The following ARHGAP18 variants were observed in gnomAD, a reference collection of about 807,000 sequenced individuals.
ARHGAP18 encodes rho GTPase-activating protein 18.
ARHGAP18 carries 67 observed loss-of-function variants against 86.2 expected under a neutral mutation model. The observed-to-expected ratio is 0.78, with a 90% CI of 0.64 to 0.95. The LOEUF (loss-of-function observed/expected upper bound fraction) is 0.95, where lower values mean the gene tolerates loss of function less well. ARHGAP18 is among the 40% of genes least tolerant of loss of function. The pLI is 0.00. For missense variants in ARHGAP18, 691 were observed against 780.4 expected, an observed-to-expected ratio of 0.89 and a Z score of 1.37; for synonymous variants, 283 against 280.4, an observed-to-expected ratio of 1.01 and a Z score of -0.09.
chr6:129,583,821 T>C (rs1479860703), intron 13 of ARHGAP18, among the ~76,000 whole-genome samples, 167 bp downstream of exon 13: 1 of 151,608 alleles, frequency 6.6e-6, no homozygotes, highest in Non-Finnish European at 1.5e-5. Flanking sequence ...GTCTAATGGT[T>C]AAGTCTGCTG....
intron 1 of ARHGAP18, among the ~76,000 whole-genome samples, chr6:129,671,620 T>C (rs1391889304): frequency 1.3e-5 from 2 of 152,136 alleles, no homozygotes; most frequent in Admixed American, 6.5e-5. Context: ...GGTGGGAGGA[T>C]TGCTTGAGCC....
At chr6:129,699,492 A>C (rs988504934) in intron 1 of ARHGAP18, among the ~76,000 whole-genome samples, 9 of 152,248 alleles carry the variant, frequency 5.9e-5, no homozygotes, top group African/African-American at 1.9e-4. Context: ...TTGGGTTGGA[A>C]AAGTTTATTT....
At chr6:129,631,210 C>T (rs1185647640) in intron 4 of ARHGAP18, among the ~76,000 whole-genome samples, 1 of 152,148 alleles carries the variant, frequency 6.6e-6, no homozygotes, top group Non-Finnish European at 1.5e-5. Flanking sequence ...ACCTTTCTAG[C>T]AGCTGAGTAG....
At chr6:129,673,737 C>G (rs929769215) in intron 1 of ARHGAP18, among the ~76,000 whole-genome samples, 6 of 152,160 alleles carry the variant, frequency 3.9e-5, no homozygotes, top group Non-Finnish European at 8.8e-5. Flanking sequence ...GAAAAGACCA[C>G]AGTCAAAAAT....
chr6:129,666,179 G>A lies in ARHGAP18; in HGVS notation c.114-24161C>T, dbSNP rs1482235537. 2.6e-5 allele frequency among the ~76,000 whole-genome samples: 4 copies of A among 152,128 alleles called. No individual in the cohort carries two copies. In the East Asian group the frequency reaches 7.7e-4, roughly 29 times the overall value. The stretch of plus-strand genomic sequence containing the variant: ...CCAGGAGCACCAGGGAGCAGCAGAT[G>A]ATGATGCTCACACCAGCAATGCCTG... On this transcript the variant is annotated intron_variant, in intron 1 of 14. Coordinates refer to ENST00000368149, the MANE Select transcript of ARHGAP18 (RefSeq NM_033515.3).
At chr6:129,631,975 T>C (rs1034842941) in intron 4 of ARHGAP18, among the ~76,000 whole-genome samples, 1 of 152,170 alleles carries the variant, frequency 6.6e-6, no homozygotes, top group African/African-American at 2.4e-5. Flanking sequence ...CTTGCAACTA[T>C]AAAACTTAAC....
chr6:129,681,444 A>C (rs1444805055), intron 1 of ARHGAP18, among the ~76,000 whole-genome samples: 1 of 152,220 alleles, frequency 6.6e-6, no homozygotes, highest in Non-Finnish European at 1.5e-5. Context: ...TGAGGTAGAA[A>C]ACCTACATAT....
rs1282969200 is a variant in ARHGAP18 at position 129,607,977 on chromosome 6, C to T, written c.1198G>A (p.Ala400Thr). The change falls in exon 9 of 15, where the codon GCC becomes ACC. Residue 400 changes from alanine (A) to threonine (T), a missense_variant. Coordinates refer to ENST00000368149, the MANE Select transcript of ARHGAP18 (RefSeq NM_033515.3). Reference protein sequence around the residue: ...NWESVKQHDAASLLKLFIREL... With the variant: ...NWESVKQHDATSLLKLFIREL... ...CGAATGAAGAGCTTCAGCAGGCTGG[C>T]GGCATCATGCTGTTTGACACTTTCC... 8.1e-6 allele frequency: 13 copies of T among 1,601,168 alleles called. No individual in the cohort carries two copies. The highest frequency in any genetic ancestry group is 1.7e-4 in the Middle Eastern group (1 of 6,018).
chr6:129,706,888 A>AC, intron 1 of ARHGAP18, among the ~76,000 whole-genome samples: 1 of 145,716 alleles, frequency 6.9e-6, no homozygotes, highest in Admixed American at 6.8e-5. Flanking sequence ...TCTGTCTCAA[A>AC]AAAAAAAAAA....
At chr6:129,603,619 T>C (rs534427044) in intron 10 of ARHGAP18, among the ~76,000 whole-genome samples, 225 of 152,290 alleles carry the variant, frequency 1.5e-3, no homozygotes, top group African/African-American at 5.0e-3. Context: ...CCTGGAAGGA[T>C]TGAAACAATG....
At chr6:129,612,472 A>G (rs1364474957) in intron 7 of ARHGAP18, among the ~76,000 whole-genome samples, 1 of 152,210 alleles carries the variant, frequency 6.6e-6, no homozygotes, top group Non-Finnish European at 1.5e-5. Context: ...CTGCTTTATA[A>G]AAGACAGACC....
intron 1 of ARHGAP18, among the ~76,000 whole-genome samples, chr6:129,688,873 G>A (rs1015979345): frequency 6.6e-6 from 1 of 152,046 alleles, no homozygotes; most frequent in African/African-American, 2.4e-5. Context: ...CAGTGACAAT[G>A]ATTCCATATT....
chr6:129,612,230 T>A (rs1032529280), intron 7 of ARHGAP18, among the ~76,000 whole-genome samples: 9 of 152,110 alleles, frequency 5.9e-5, no homozygotes, highest in Non-Finnish European at 1.2e-4. Flanking sequence ...AGAAGGCAAA[T>A]GGAGAAATTA....
intron 1 of ARHGAP18, among the ~76,000 whole-genome samples, chr6:129,661,396 T>G (rs1347374399): frequency 6.6e-6 from 1 of 151,296 alleles, no homozygotes; most frequent in African/African-American, 2.4e-5. Flanking sequence ...TATGGGATGA[T>G]GAATATAAAA....
rs979777057 is a variant in ARHGAP18, at chr6:129,577,697, T to A, written c.*816A>T. ...GACAACACGTAAAGCCAGCTATGACTTTTAAAATTCCATTTAGAAGAGTAC... is the reference window on the plus strand; with the variant it reads ...GACAACACGTAAAGCCAGCTATGACATTTAAAATTCCATTTAGAAGAGTAC... On this transcript the variant is annotated 3_prime_UTR_variant, in exon 15 of 15. Transcript: ENST00000368149. The A allele has an allele frequency of 6.6e-6, 1 of 152,196 alleles. No individual in the cohort carries two copies. Among genetic ancestry groups the A allele is most frequent in the Non-Finnish European group, 1.5e-5 (1 of 68,014 alleles). 9.4% of individuals were successfully genotyped at this position (152,196 alleles called of 1,614,324 possible). A position where few individuals can be genotyped will look rare whatever the true frequency, so the allele number is the denominator to read the frequency against.
At chr6:129,625,475 T>TTA (rs1463674957) in intron 5 of ARHGAP18, among the ~76,000 whole-genome samples, 2 of 34,052 alleles carry the variant, frequency 5.9e-5, no homozygotes, top group Non-Finnish European at 1.0e-4. Flanking sequence ...AATATATATT[T>TTA]TATATTATAT....
intron 12 of ARHGAP18, among the ~76,000 whole-genome samples, chr6:129,590,216 T>C (rs1395276822): frequency 6.6e-6 from 1 of 152,198 alleles, no homozygotes; most frequent in Non-Finnish European, 1.5e-5. Context: ...ACCCTCAATA[T>C]TGAGTGACAA....
intron 1 of ARHGAP18, among the ~76,000 whole-genome samples, chr6:129,648,284 A>G (rs79656025): frequency 0.014 from 2,108 of 151,852 alleles, 43 homozygotes; most frequent in African/African-American, 0.048. Context: ...GATCCTCCCA[A>G]CTTAGCCTCC....
At chr6:129,579,876 C>T (rs1788251443) in intron 14 of ARHGAP18, among the ~76,000 whole-genome samples, 194 bp downstream of exon 14, 1 of 152,078 alleles carries the variant, frequency 6.6e-6, no homozygotes, top group African/African-American at 2.4e-5. Context: ...CATAGATGGG[C>T]ATTTGTACAG....
Sources: gnomAD v4.1 joint callset for allele counts (sites outside exome capture counted in the v4.1 genomes callset) on GRCh38, gnomAD v4.1.1 for gene constraint, MANE v1.5 for transcripts, NCBI Gene and HGNC (gene_info 2026-07-23, HGNC 2026-07-21) for gene names.